The following SLC35D4 variants were observed in gnomAD, a reference collection of about 807,000 sequenced individuals.
The protein encoded by SLC35D4 is solute carrier family 35 member D4.
the SLC35D4 span, among the ~76,000 whole-genome samples, chr18:23,350,908 A>G: frequency 2.6e-5 from 4 of 152,170 alleles, no homozygotes; most frequent in Admixed American, 2.6e-4. Context: ...AATAGTTTTC[A>G]TGAACAAATG....
At chr18:23,425,061 ATACT>A in the SLC35D4 span, among the ~76,000 whole-genome samples, 1 of 152,252 alleles carries the variant, frequency 6.6e-6, no homozygotes, top group African/African-American at 2.4e-5. Context: ...AAATTGACAA[ATACT>A]TACCCAAAAA....
At chr18:23,243,654 CCT>C in the SLC35D4 span, among the ~76,000 whole-genome samples, 2 of 151,774 alleles carry the variant, frequency 1.3e-5, no homozygotes, top group Non-Finnish European at 2.9e-5. Flanking sequence ...GGGTGGATCA[CCT>C]GAGGTCAGGA....
the SLC35D4 span, among the ~76,000 whole-genome samples, chr18:23,409,856 AAAAAAAAAG>A: frequency 4.6e-5 from 4 of 86,132 alleles, no homozygotes; most frequent in Admixed American, 6.5e-4. Context: ...AAAAAAAAAA[AAAAAAAAAG>A]AGGATGGTTG....
the SLC35D4 span, among the ~76,000 whole-genome samples, chr18:23,305,400 A>G: frequency 6.6e-6 from 1 of 152,232 alleles, no homozygotes; most frequent in Non-Finnish European, 1.5e-5. Flanking sequence ...CAGTTCTAGC[A>G]GGTTACAGGG....
chr18:23,306,137 T>C, the SLC35D4 span, among the ~76,000 whole-genome samples: 1 of 151,744 alleles, frequency 6.6e-6, no homozygotes, highest in African/African-American at 2.4e-5. Context: ...CACACCTGGG[T>C]ACCAGTGCTG....
the SLC35D4 span, among the ~76,000 whole-genome samples, chr18:23,248,135 G>A: frequency 4.6e-5 from 7 of 152,262 alleles, no homozygotes; most frequent in Admixed American, 2.6e-4. Context: ...CGCAGGCTGA[G>A]CTGAGCTGTT....
chr18:23,340,167 C>T, the SLC35D4 span, among the ~76,000 whole-genome samples: 1 of 151,978 alleles, frequency 6.6e-6, no homozygotes, highest in Non-Finnish European at 1.5e-5. Flanking sequence ...AACAAGATCT[C>T]ATCTCTACAA....
At chr18:23,371,944 T>TG in the SLC35D4 span, among the ~76,000 whole-genome samples, 2,767 of 26,218 alleles carry the variant, frequency 0.11, 312 homozygotes, top group African/African-American at 0.23. Context: ...TGTTTTTTTT[T>TG]TTTTTTTTTG....
the SLC35D4 span, among the ~76,000 whole-genome samples, chr18:23,434,291 T>C: frequency 5.9e-5 from 9 of 152,154 alleles, no homozygotes; most frequent in Non-Finnish European, 1.3e-4. Flanking sequence ...CTGCTGTTCT[T>C]GACCTACTCT....
chr18:23,275,608 T>G, the SLC35D4 span, among the ~76,000 whole-genome samples: 4 of 83,584 alleles, frequency 4.8e-5, no homozygotes, highest in South Asian at 1.1e-3. Context: ...TGTGCTGTGC[T>G]GTGCTGTGCT....
the SLC35D4 span, chr18:23,253,950 T>C: frequency 8.7e-6 from 14 of 1,612,096 alleles, no homozygotes; most frequent in Admixed American, 2.0e-4. Context: ...AGTAGCCTTT[T>C]TCCTGGTGGC....
At chr18:23,400,923 C>T in the SLC35D4 span, among the ~76,000 whole-genome samples, 1 of 152,200 alleles carries the variant, frequency 6.6e-6, no homozygotes, top group Non-Finnish European at 1.5e-5. Context: ...GCTGCATAAA[C>T]TCATTGTGCA....
the SLC35D4 span, among the ~76,000 whole-genome samples, chr18:23,414,338 G>A: frequency 6.6e-6 from 1 of 151,188 alleles, no homozygotes; most frequent in Non-Finnish European, 1.5e-5. Flanking sequence ...AGGAAGGCAG[G>A]CAGGCAGGCA....
chr18:23,355,637 T>C, the SLC35D4 span, among the ~76,000 whole-genome samples: 1 of 146,948 alleles, frequency 6.8e-6, no homozygotes, highest in Non-Finnish European at 1.5e-5. Context: ...GAGCAGGACA[T>C]ACCCACTAGC....
the SLC35D4 span, among the ~76,000 whole-genome samples, chr18:23,286,560 G>A: frequency 1.3e-5 from 2 of 151,972 alleles, no homozygotes; most frequent in African/African-American, 2.4e-5. Context: ...AAGCCCCGTA[G>A]ACCATCACGG....
chr18:23,258,402 A>C, the SLC35D4 span: 1 of 152,318 alleles, frequency 6.6e-6, no homozygotes, highest in Non-Finnish European at 1.5e-5. Flanking sequence ...CAGCTGGGAC[A>C]AACTGCGTTT....
the SLC35D4 span, among the ~76,000 whole-genome samples, chr18:23,336,376 G>A: frequency 2.0e-5 from 3 of 152,270 alleles, no homozygotes; most frequent in African/African-American, 4.8e-5. Context: ...ATTGCCGAGC[G>A]AGAGTCTGCA....
the SLC35D4 span, among the ~76,000 whole-genome samples, chr18:23,240,589 T>G: frequency 6.6e-6 from 1 of 152,224 alleles, no homozygotes; most frequent in East Asian, 1.9e-4. Context: ...GATTCCCTCC[T>G]GGGTGGGAAT....
At chr18:23,353,624 C>A in the SLC35D4 span, among the ~76,000 whole-genome samples, 1 of 152,132 alleles carries the variant, frequency 6.6e-6, no homozygotes, top group Non-Finnish European at 1.5e-5. Flanking sequence ...GCCTGTTTGG[C>A]CCTAATGACC....
Sources: allele counts gnomAD v4.1 joint callset (sites outside exome capture counted in the v4.1 genomes callset), GRCh38; gene constraint gnomAD v4.1.1; transcripts MANE v1.5; gene names NCBI Gene and HGNC (gene_info 2026-07-23, HGNC 2026-07-21).